The following RELT variants were observed in gnomAD, a reference collection of about 807,000 sequenced individuals.
RELT encodes tumor necrosis factor receptor superfamily member 19L.
In RELT, 37 loss-of-function variants were observed where a neutral mutation model predicts 51.1. The observed-to-expected ratio is 0.72, with a 90% CI of 0.56 to 0.95. The LOEUF is 0.95. Among genes scored for constraint, RELT ranks in the 40% least tolerant of loss-of-function variants. The pLI, the probability that RELT is intolerant of heterozygous loss-of-function variation, is 0.00. For missense variants in RELT, 535 were observed against 572.6 expected, an observed-to-expected ratio of 0.93 and a Z score of 0.67; for synonymous variants, 241 against 235.7, an observed-to-expected ratio of 1.02 and a Z score of -0.21.
intron 1 of RELT, among the ~76,000 whole-genome samples, chr11:73,384,127 G>A (rs1160600187): frequency 6.6e-6 from 1 of 152,152 alleles, no homozygotes; most frequent in East Asian, 1.9e-4. Flanking sequence ...ATCTCCCCCA[G>A]TGCGGCCTCT....
chr11:73,394,278 G>C lies in RELT; in HGVS notation c.749G>C (p.Ser250Thr). 1 of 1,612,224 alleles carries C rather than the reference G, an allele frequency of 6.2e-7. No homozygotes were observed. The highest frequency in any genetic ancestry group is 8.5e-7 in the Non-Finnish European group (1 of 1,179,632). The stretch of plus-strand genomic sequence containing the variant: ...GAGGAGCTGCTGAAAGAGTACCACA[G>C]CAAACAGCTGGTGCAGACGAGCCAC... ...ALEELLKEYH[S>T]KQLVQTSHRP... is the part of the protein sequence containing the mutation. The change falls in exon 8 of 11, where the codon AGC becomes ACC. Residue 250 changes from serine (S) to threonine (T), a missense_variant. By Grantham distance (58) the Ser-to-Thr change is moderately conservative. Coordinates refer to ENST00000064780, the MANE Select transcript of RELT (RefSeq NM_152222.2). This position sits in a 1 kb window ranked among gnomAD's most constrained non-coding sequence, Gnocchi z 4.9.
intron 2 of RELT, 100 bp from the exon 3 acceptor site, chr11:73,390,451 C>T: frequency 9.2e-7 from 1 of 1,086,678 alleles, no homozygotes; most frequent in Non-Finnish European, 1.4e-6. Flanking sequence ...AGTCAGTGGT[C>T]CCTACCACTG....
intron 1 of RELT, among the ~76,000 whole-genome samples, chr11:73,387,939 G>A (rs1225649506): frequency 1.3e-5 from 2 of 152,204 alleles, no homozygotes; most frequent in African/African-American, 2.4e-5. Context: ...TGAAGAGCAC[G>A]GCTTTCCTCA....
At chr11:73,393,599 A>C in intron 6 of RELT, 1 of 1,479,946 alleles carries the variant, frequency 6.8e-7, no homozygotes, top group Non-Finnish European at 9.0e-7. Flanking sequence ...GTGGCCCTGA[A>C]GCCTCTATGC....
At chr11:73,395,038 T>C (rs1418300064) in intron 9 of RELT, 49 bp from the exon 10 acceptor site, 2 of 1,517,326 alleles carry the variant, frequency 1.3e-6, no homozygotes, top group African/African-American at 2.7e-5. Context: ...GCCTTCTCTG[T>C]GCCCCGGGAT....
intron 1 of RELT, among the ~76,000 whole-genome samples, chr11:73,387,405 C>T (rs1866140770): frequency 6.6e-6 from 1 of 152,158 alleles, no homozygotes; most frequent in African/African-American, 2.4e-5. Context: ...GGAGCTGGGC[C>T]CTGACAAGGG....
intron 1 of RELT, among the ~76,000 whole-genome samples, chr11:73,377,782 A>G (rs1277926914): frequency 1.3e-5 from 2 of 149,344 alleles, no homozygotes; most frequent in Non-Finnish European, 3.0e-5. Context: ...GGGATCCTCT[A>G]TTGTTTTGGG....
At chr11:73,389,271 C>G in intron 2 of RELT, 90 bp downstream of exon 2, 1 of 921,760 alleles carries the variant, frequency 1.1e-6, no homozygotes, top group Non-Finnish European at 1.6e-6. Context: ...TCCCGGGGAA[C>G]CCCCTGCTGG....
At chr11:73,379,180 G>T (rs1277644034) in intron 1 of RELT, among the ~76,000 whole-genome samples, 1 of 152,190 alleles carries the variant, frequency 6.6e-6, no homozygotes, top group African/African-American at 2.4e-5. Flanking sequence ...AATAGCTGTC[G>T]TGGTCTCTAG....
chr11:73,393,870 A>T lies in RELT; in HGVS notation c.659A>T (p.Asn220Ile). 1 of 1,614,066 alleles carries T rather than the reference A, an allele frequency of 6.2e-7. No homozygotes were observed. The highest frequency in any genetic ancestry group is 8.5e-7 in the Non-Finnish European group (1 of 1,179,964). ...CCTGCCTACCGGACTGAGGATGCCA[A>T]TGAGGACACCATTGGGGTCCTGGTG... ...INPAYRTEDA[N>I]EDTIGVLVRL... The change falls in exon 7 of 11, where the codon AAT (asparagine) becomes ATT (isoleucine). Residue 220 changes from asparagine (N) to isoleucine (I), a missense_variant. Transcript: ENST00000064780.
rs373002409 is a variant in RELT, at chr11:73,393,887, G to C, written c.676G>C (p.Val226Leu). Residue 226 changes from valine to leucine, a missense_variant, in exon 7 of 11, where the codon GTC (valine) becomes CTC (leucine). Coordinates refer to ENST00000064780, the MANE Select transcript of RELT (RefSeq NM_152222.2). ...TEDANEDTIG[V>L]LVRLITEKKE... ...GGATGCCAATGAGGACACCATTGGG[G>C]TCCTGGTGCGCTTGATCACAGAGAA... 213 of 1,613,928 alleles carry C rather than the reference G, an allele frequency of 1.3e-4. No homozygotes were observed. The highest frequency in any genetic ancestry group is 1.7e-4 in the Non-Finnish European group (204 of 1,179,964).
At position 73,388,207 on chromosome 11, in the gene RELT, G is replaced by A. The variant is rs1453761914; in HGVS notation, c.-25-905G>A. On this transcript the variant is annotated intron_variant, in intron 1 of 10. Coordinates refer to ENST00000064780, the MANE Select transcript of RELT (RefSeq NM_152222.2). This position sits in a 1 kb window ranked among gnomAD's most constrained non-coding sequence, Gnocchi z 4.1. ...CCACTCTGCTTTATTTCGTTTCTTG[G>A]CACTTACCACCAAATGGCAGGGGCA... Among the ~76,000 whole-genome samples, 1 of 152,184 alleles carries A rather than the reference G, an allele frequency of 6.6e-6. No individual in the cohort carries two copies. Among genetic ancestry groups the A allele is most frequent in the African/African-American group, 2.4e-5 (1 of 41,430 alleles).
intron 4 of RELT, 26 bp from the exon 5 acceptor site, chr11:73,391,118 C>T: frequency 1.2e-6 from 2 of 1,608,622 alleles, no homozygotes; most frequent in South Asian, 2.2e-5. Context: ...ACTTCTGGGC[C>T]TCAGTGGTAT....
intron 1 of RELT, among the ~76,000 whole-genome samples, chr11:73,378,048 G>A (rs1432550937): frequency 6.6e-6 from 1 of 152,220 alleles, no homozygotes; most frequent in African/African-American, 2.4e-5. Flanking sequence ...CTGCCTGGGT[G>A]TCCTTTCTTC....
chr11:73,394,477 G>A lies in RELT; in HGVS notation c.789G>A (p.Lys263=), dbSNP rs1866273381. ...CCACTTCTGCCTGTGCCCCCTGCAG[G>A]CTGCCGCCAGCGCCCCCGAACGTGC... ...LVQTSHRPVS[K]LPPAPPNVPH... is the part of the protein sequence containing the mutation. Residue 263 remains lysine (K), a splice_region_variant and synonymous_variant, in exon 9 of 11, where the codon AAG becomes AAA. Transcript: ENST00000064780. This position sits in a 1 kb window ranked among gnomAD's most constrained non-coding sequence, Gnocchi z 4.9. 3.1e-6 allele frequency: 5 copies of A among 1,609,486 alleles called. No individual in the cohort carries two copies. The highest frequency in any genetic ancestry group is 1.7e-4 in the Middle Eastern group (1 of 6,056).
intron 1 of RELT, among the ~76,000 whole-genome samples, chr11:73,387,862 C>T (rs1866149620): frequency 6.6e-6 from 1 of 152,198 alleles, no homozygotes; most frequent in Non-Finnish European, 1.5e-5. Context: ...GGGCCTCAGC[C>T]GCGGCGGCCC....
Position 73,390,574 on chromosome 11 carries a change from C to T in RELT, c.69C>T (p.Thr23=), listed in dbSNP as rs776441900. ...AGCTGCTGCCCTGGCCTCTCGCCACCCTGACATCAACAACCCTTTGGCAGT... is the reference window on the plus strand; with the variant it reads ...AGCTGCTGCCCTGGCCTCTCGCCACTCTGACATCAACAACCCTTTGGCAGT... ...FLMLLPWPLA[T]LTSTTLWQCP... Residue 23 remains threonine, a synonymous_variant, in exon 3 of 11, where the codon ACC becomes ACT. Coordinates refer to ENST00000064780, the MANE Select transcript of RELT (RefSeq NM_152222.2). The T allele has an allele frequency of 6.2e-7, 1 of 1,614,076 alleles. No homozygotes were observed.
At position 73,391,174 on chromosome 11, in the gene RELT, T is replaced by G. The variant is rs142309832; in HGVS notation, c.318T>G (p.Val106=). ...GWFGPWGVPR[V]PCQPCSWAPL... is the part of the protein sequence containing the mutation. The stretch of plus-strand genomic sequence containing the variant: ...TTGGGCCTTGGGGGGTTCCCCGCGT[T>G]CCATGTCAACCATGTTCCTGGGCAC... The change falls in exon 5 of 11, where the codon GTT becomes GTG. Residue 106 remains valine (V), a synonymous_variant. Transcript: ENST00000064780. 13 of 1,613,978 alleles carry G rather than the reference T, an allele frequency of 8.1e-6. No homozygotes were observed. The African/African-American group carries it at 1.6e-4, about 20-fold the overall frequency.
Position 73,391,240 on chromosome 11 carries a change from GGCTAGGACTGGT to G in RELT, c.367+20_367+31del. ...GCTGTGATGGTGAGTGGCAGACTGG[GGCTAGGACTGGT>G]GCAGGGGTATGTGCGGGAGGGGCCA... On this transcript the variant is annotated intron_variant, in intron 5 of 10. Coordinates refer to ENST00000064780, the MANE Select transcript of RELT (RefSeq NM_152222.2). 6.2e-6 allele frequency: 10 copies of G among 1,610,406 alleles called. No homozygotes were observed. Among genetic ancestry groups the G allele is most frequent in the Non-Finnish European group, 8.5e-6 (10 of 1,177,298 alleles).
Sources: allele counts gnomAD v4.1 joint callset (sites outside exome capture counted in the v4.1 genomes callset), GRCh38; gene constraint gnomAD v4.1.1; non-coding constraint Gnocchi (gnomAD v3.1); transcripts MANE v1.5; gene names NCBI Gene and HGNC (gene_info 2026-07-23, HGNC 2026-07-21).